Variants in PARVG observed in about 807,000 individuals in gnomAD.
PARVG encodes gamma-parvin.
Under a neutral mutation model 44.4 loss-of-function variants are expected in PARVG, and 36 were observed. The observed-to-expected ratio is 0.81, with a 90% confidence interval of 0.62 to 1.07. The LOEUF is 1.07. PARVG is among the 50% of genes least tolerant of loss of function. PARVG has a pLI of 0.00. For synonymous variants in PARVG, 170 were observed against 174.1 expected, an observed-to-expected ratio of 0.98 and a Z score of 0.19; for missense variants, 407 against 407.4, an observed-to-expected ratio of 1.00 and a Z score of 0.01.
At chr22:44,193,705 C>T (rs2054580541) in intron 8 of PARVG, 96 bp from the exon 9 acceptor site, 4 of 1,498,916 alleles carry the variant, frequency 2.7e-6, no homozygotes, top group African/African-American at 1.4e-5. Flanking sequence ...TTCTTTGCAA[C>T]CTTGCCAGCA....
At chr22:44,194,768 G>A (rs558003959) in intron 9 of PARVG, among the ~76,000 whole-genome samples, 80 of 130,928 alleles carry the variant, frequency 6.1e-4, no homozygotes, top group African/African-American at 2.3e-3. Flanking sequence ...TCATCCATCC[G>A]CCTACCCATC....
chr22:44,195,225 G>A, intron 9 of PARVG, among the ~76,000 whole-genome samples: 1 of 152,096 alleles, frequency 6.6e-6, no homozygotes, highest in African/African-American at 2.4e-5. Context: ...GCAGTATTTT[G>A]GGCAGGGGGC....
At chr22:44,193,911 A>G (rs1171789139) in intron 9 of PARVG, 88 bp downstream of exon 9, 5 of 1,491,866 alleles carry the variant, frequency 3.4e-6, no homozygotes, top group Non-Finnish European at 4.6e-6. Flanking sequence ...ATTGCTGAGC[A>G]TTCTCTCATT....
chr22:44,189,580 C>A (rs2054520989), intron 6 of PARVG, among the ~76,000 whole-genome samples: 1 of 152,332 alleles, frequency 6.6e-6, no homozygotes, highest in African/African-American at 2.4e-5. Flanking sequence ...ACTCTCATTT[C>A]ATTAAAGTAT....
intron 7 of PARVG, 118 bp from the exon 8 acceptor site, chr22:44,191,931 C>A: frequency 8.6e-7 from 1 of 1,161,618 alleles, no homozygotes. Flanking sequence ...GGAAGAAAGA[C>A]AATTAAGCCA....
chr22:44,192,671 TACTGGGGTTGACCATCCTGCTCCCTGCCC>T (rs1382779583), intron 8 of PARVG, among the ~76,000 whole-genome samples: 1 of 145,484 alleles, frequency 6.9e-6, no homozygotes, highest in Non-Finnish European at 1.5e-5. Flanking sequence ...GCTCCCCACC[TACTGGGGTTGACCATCCTGCTCCCTGCCC>T]ACTGGGGCTG....
At chr22:44,191,434 A>G (rs979582763) in intron 7 of PARVG, among the ~76,000 whole-genome samples, 34 of 104,208 alleles carry the variant, frequency 3.3e-4, no homozygotes, top group African/African-American at 1.2e-3. Flanking sequence ...GTCTTGCTCT[A>G]TTGCTCAGGC....
At chr22:44,187,506 C>T in intron 4 of PARVG, 1 of 531,864 alleles carries the variant, frequency 1.9e-6, no homozygotes, top group Non-Finnish European at 3.4e-6. Context: ...TGGTAGTACC[C>T]CACTTCCTGG....
intron 3 of PARVG, chr22:44,183,634 A>T (rs1569178157): frequency 5.9e-6 from 3 of 508,470 alleles, no homozygotes; most frequent in Non-Finnish European, 1.0e-5. Flanking sequence ...GTGGATTACG[A>T]TGGTGAATAC....
At chr22:44,190,805 A>T in intron 7 of PARVG, 139 bp downstream of exon 7, 1 of 734,298 alleles carries the variant, frequency 1.4e-6, no homozygotes, top group Non-Finnish European at 2.3e-6. Flanking sequence ...AATAGAATCC[A>T]GCCAGGATGG....
At chr22:44,202,208 A>G (rs139164) in intron 12 of PARVG, among the ~76,000 whole-genome samples, 131,431 of 152,264 alleles carry the variant, frequency 0.86, 57,263 homozygotes, top group Middle Eastern at 0.93. Flanking sequence ...TGTGGAGCCA[A>G]TGTGAGTCTC....
Position 44,206,548 on chromosome 22 carries a change from C to A in PARVG, c.*122C>A. On this transcript the variant is annotated 3_prime_UTR_variant, in exon 14 of 14. Transcript: ENST00000444313. ...ATTCGTGACCCGCTTCCCTCCCACC[C>A]TGTCTCCTGTCTCCATCGTTGGATT... 1 of 781,154 alleles carries A rather than the reference C, an allele frequency of 1.3e-6. No individual in the cohort carries two copies. The highest frequency in any genetic ancestry group is 1.5e-5 in the South Asian group (1 of 67,828). 48.4% of individuals were successfully genotyped at this position (781,154 alleles called of 1,614,324 possible).
At chr22:44,200,451 G>A (rs1219004179) in intron 12 of PARVG, among the ~76,000 whole-genome samples, 3 of 152,192 alleles carry the variant, frequency 2.0e-5, no homozygotes, top group Non-Finnish European at 4.4e-5. Flanking sequence ...CGAGGAGAAA[G>A]CATTGAGGGA....
At chr22:44,206,208 C>T (rs1482617280) in intron 13 of PARVG, 109 bp from the exon 14 acceptor site, 3 of 811,346 alleles carry the variant, frequency 3.7e-6, no homozygotes, top group Non-Finnish European at 6.1e-6. Flanking sequence ...AGGGATTCTC[C>T]TGGGATTAGC....
In PARVG at chr22:44,190,747, C is replaced by G; in HGVS notation, c.504+81C>G. ...ATTGCCGTACCCTGCATGGGTGGAGCTGGCTGGGGCGGGGCTGACCCAGGG... is the reference window on the plus strand; with the variant it reads ...ATTGCCGTACCCTGCATGGGTGGAGGTGGCTGGGGCGGGGCTGACCCAGGG... On this transcript the variant is annotated intron_variant, in intron 7 of 13. Transcript: ENST00000444313. The G allele has an allele frequency of 5.6e-6, 7 of 1,246,932 alleles. No homozygotes were observed. In the South Asian group the frequency reaches 8.5e-5, roughly 15 times the overall value. 77.2% of individuals were successfully genotyped at this position (1,246,932 alleles called of 1,614,324 possible). A position where few individuals can be genotyped will look rare whatever the true frequency, so the allele number is the denominator to read the frequency against.
At chr22:44,183,148 A>G (rs2054409074) in intron 2 of PARVG, 170 bp from the exon 3 acceptor site, 1 of 570,268 alleles carries the variant, frequency 1.8e-6, no homozygotes, top group Non-Finnish European at 3.0e-6. Context: ...GGTTGGCTCA[A>G]GGGCTCTTTC....
intron 9 of PARVG, among the ~76,000 whole-genome samples, chr22:44,194,122 G>A (rs753732204): frequency 6.6e-6 from 1 of 152,222 alleles, no homozygotes; most frequent in Non-Finnish European, 1.5e-5. Flanking sequence ...TCAAACACCA[G>A]TGTTCCCACT....
chr22:44,185,767 A>G (rs767604711), intron 3 of PARVG, 41 bp from the exon 4 acceptor site: 1 of 1,572,558 alleles, frequency 6.4e-7, no homozygotes, highest in Non-Finnish European at 8.7e-7. Flanking sequence ...CAAGCGCCCC[A>G]CAGGGTCCCC....
chr22:44,202,372 C>T (rs2054721723), intron 12 of PARVG, among the ~76,000 whole-genome samples: 1 of 152,174 alleles, frequency 6.6e-6, no homozygotes, highest in African/African-American at 2.4e-5. Context: ...GGGCTGAGGG[C>T]CTGGGGCTCG....
Sources: gnomAD v4.1 joint callset for allele counts (sites outside exome capture counted in the v4.1 genomes callset) on GRCh38, gnomAD v4.1.1 for gene constraint, MANE v1.5 for transcripts, NCBI Gene and HGNC (gene_info 2026-07-23, HGNC 2026-07-21) for gene names.